Variants in TCF20 observed in about 807,000 individuals in gnomAD.
TCF20 encodes the protein SPRE-binding protein.
TCF20 carries 3 observed loss-of-function variants against 148.6 expected under a neutral mutation model. The observed-to-expected ratio is 0.02, with a 90% CI of 0.01 to 0.05. The LOEUF (loss-of-function observed/expected upper bound fraction) is 0.05. Ranked by LOEUF, TCF20 falls within the 10% of genes least tolerant of loss-of-function variation. The pLI, the probability that TCF20 is intolerant of heterozygous loss-of-function variation, is 1.00. For synonymous variants in TCF20, 1,049 were observed against 909.5 expected (o/e 1.15, Z -2.76); for missense variants, 2,350 against 2,429.3 (o/e 0.97, Z 0.69).
At chr22:42,261,277 T>G (rs1198646342) in intron 1 of TCF20, among the ~76,000 whole-genome samples, 1 of 152,232 alleles carries the variant, frequency 6.6e-6, no homozygotes, top group African/African-American at 2.4e-5. Context: ...TTGGTTATTA[T>G]TTGGCTATTA....
At chr22:42,301,998 G>T (rs1927345014) in intron 1 of TCF20, among the ~76,000 whole-genome samples, 1 of 152,210 alleles carries the variant, frequency 6.6e-6, no homozygotes, top group Non-Finnish European at 1.5e-5. Context: ...CAGAGGAAAG[G>T]CCTCTTGGAG....
At position 42,300,621 on chromosome 22, in the gene TCF20, C is replaced by T. The variant is rs141808888; in HGVS notation, c.-37+42858G>A. Reference sequence around the variant, plus strand: ...GGACTCCCATGCCTGAAGCCTCCTGCGGTCAGCAGCCCAAGGGGCAGGGCT... The same window carrying T: ...GGACTCCCATGCCTGAAGCCTCCTGTGGTCAGCAGCCCAAGGGGCAGGGCT... On this transcript the variant is annotated intron_variant, in intron 1 of 1. Coordinates refer to the TCF20 transcript ENST00000515426. Among the ~76,000 whole-genome samples the T allele has an allele frequency of 1.1e-4, 17 of 152,210 alleles. No homozygotes were observed. In the South Asian group the frequency reaches 1.5e-3, roughly 13 times the overall value.
intron 1 of TCF20, among the ~76,000 whole-genome samples, chr22:42,322,893 GT>G (rs59623451): frequency 2.0e-5 from 3 of 147,420 alleles, no homozygotes; most frequent in African/African-American, 5.0e-5. Flanking sequence ...TCATTTTCTG[GT>G]TTTTTTTTTG....
intron 2 of TCF20, among the ~76,000 whole-genome samples, chr22:42,199,706 CAAAAAAAAAAAAAA>C (rs59845847): frequency 2.4e-4 from 8 of 33,868 alleles, no homozygotes; most frequent in African/African-American, 4.0e-4. Context: ...CCCATCTCTA[CAAAAAAAAAAAAAA>C]AAAAAAAAAA....
At chr22:42,253,829 G>A (rs953134673) in intron 1 of TCF20, among the ~76,000 whole-genome samples, 2 of 152,130 alleles carry the variant, frequency 1.3e-5, no homozygotes, top group African/African-American at 4.8e-5. Context: ...TGTAATCCCA[G>A]CACTTTGGGA....
intron 1 of TCF20, among the ~76,000 whole-genome samples, chr22:42,235,116 T>C (rs1181013344): frequency 7.0e-6 from 1 of 142,316 alleles, no homozygotes; most frequent in Non-Finnish European, 1.5e-5. Flanking sequence ...CACTCCAGTC[T>C]GGCCAACAGA....
At chr22:42,334,623 C>G (rs1411155870) in intron 1 of TCF20, among the ~76,000 whole-genome samples, 6 of 152,272 alleles carry the variant, frequency 3.9e-5, no homozygotes, top group Non-Finnish European at 8.8e-5. Flanking sequence ...CCGAGAACAA[C>G]AGTGTGGCAG....
chr22:42,204,525 A>C (rs1033692762), intron 2 of TCF20, among the ~76,000 whole-genome samples: 5 of 151,680 alleles, frequency 3.3e-5, no homozygotes, highest in African/African-American at 1.2e-4. Flanking sequence ...CCCTAAATAT[A>C]ATCTTTAATA....
intron 2 of TCF20, among the ~76,000 whole-genome samples, chr22:42,205,355 C>T (rs1358749750): frequency 1.4e-5 from 2 of 146,646 alleles, no homozygotes; most frequent in African/African-American, 5.2e-5. Flanking sequence ...TTCTAGTTTT[C>T]GGCAATTTTC....
intron 1 of TCF20, among the ~76,000 whole-genome samples, chr22:42,316,107 CAAAAA>C (rs758537263): frequency 2.1e-5 from 1 of 48,590 alleles, no homozygotes; most frequent in South Asian, 8.3e-4. Context: ...GACTCTGTCT[CAAAAA>C]AAAAAAAAAA....
At chr22:42,341,479 G>A (rs945792314) in intron 1 of TCF20, among the ~76,000 whole-genome samples, 2 of 152,086 alleles carry the variant, frequency 1.3e-5, no homozygotes, top group African/African-American at 4.8e-5. Context: ...GAATCCAGGT[G>A]GGTAAGGACC....
intron 5 of TCF20, among the ~76,000 whole-genome samples, chr22:42,162,058 G>A (rs1935501173): frequency 7.6e-6 from 1 of 131,638 alleles, no homozygotes; most frequent in African/African-American, 2.9e-5. Context: ...TTGGCTCACT[G>A]CAGCCTCTGC....
chr22:42,302,539 T>C (rs1927355531), intron 1 of TCF20, among the ~76,000 whole-genome samples: 1 of 152,098 alleles, frequency 6.6e-6, no homozygotes, highest in Non-Finnish European at 1.5e-5. Context: ...AGAGGAGGCT[T>C]TGCCAAGGTC....
upstream of TCF20, among the ~76,000 whole-genome samples, chr22:42,284,383 G>A (rs149358129): frequency 6.4e-4 from 98 of 152,358 alleles, no homozygotes; most frequent in Non-Finnish European, 1.1e-3. Flanking sequence ...AAGTGTGACC[G>A]TTCATAGAGC....
rs75296967 is a variant in TCF20, at chr22:42,325,060, C to T, written c.-37+18419G>A. On this transcript the variant is annotated intron_variant, in intron 1 of 1. Coordinates refer to the TCF20 transcript ENST00000515426. ...CCCACCCTGCTGGGACTCAGGAAAC[C>T]GCATGGGCGGGTGGGAGGATGCTGA... is the stretch of plus-strand genomic sequence containing the variant. 4.5e-3 allele frequency among the ~76,000 whole-genome samples: 681 copies of T among 152,372 alleles called. 3 individuals carry two copies. Among genetic ancestry groups the T allele is most frequent in the Non-Finnish European group, 6.8e-3 (465 of 68,028 alleles).
chr22:42,257,589 A>G (rs2147366437), intron 1 of TCF20, among the ~76,000 whole-genome samples: 1 of 152,354 alleles, frequency 6.6e-6, no homozygotes, highest in Non-Finnish European at 1.5e-5. Flanking sequence ...GCAGGCAACA[A>G]TGCAGATGAT....
In TCF20 at chr22:42,210,591, T is replaced by C; in HGVS notation, c.4715A>G (p.Asp1572Gly). ...CTGTTTTTTTGGCTTTGGCTCTCCATCTGCAGAACCTTCTGGTATCTGTGG... is the reference window on the plus strand; with the variant it reads ...CTGTTTTTTTGGCTTTGGCTCTCCACCTGCAGAACCTTCTGGTATCTGTGG... ...QPPQIPEGSA[D>G]GEPKPKKQRQ... The change falls in exon 2 of 6, where the codon GAT becomes GGT. Residue 1572 changes from aspartate (D) to glycine (G), a missense_variant. Around this residue, in one of 7 missense-constraint regions of TCF20, gnomAD observed 374 missense variants for 398.3 expected, o/e 0.94. Coordinates refer to ENST00000677622, the MANE Select transcript of TCF20 (RefSeq NM_001378418.1). This position sits in a 1 kb window ranked among gnomAD's most constrained non-coding sequence, Gnocchi z 4.7. 2 of 1,614,172 alleles carry C rather than the reference T, an allele frequency of 1.2e-6. No individual in the cohort carries two copies. The highest frequency in any genetic ancestry group is 1.7e-6 in the Non-Finnish European group (2 of 1,180,042).
intron 1 of TCF20, among the ~76,000 whole-genome samples, chr22:42,308,917 G>C (rs1927482225): frequency 1.3e-5 from 2 of 152,172 alleles, no homozygotes; most frequent in Admixed American, 6.5e-5. Flanking sequence ...TGCCTTGCTA[G>C]ACCCAGGCGT....
At chr22:42,307,574 C>T (rs532007476) in intron 1 of TCF20, among the ~76,000 whole-genome samples, 1 of 152,260 alleles carries the variant, frequency 6.6e-6, no homozygotes, top group African/African-American at 2.4e-5. Context: ...TTCTGAAGCA[C>T]TAAACTTGAC....
Sources: gnomAD v4.1 joint callset for allele counts (sites outside exome capture counted in the v4.1 genomes callset) on GRCh38, gnomAD v4.1.1 for gene constraint, gnomAD v4.1.1 regional missense constraint, Gnocchi (gnomAD v3.1) non-coding constraint, MANE v1.5 for transcripts, NCBI Gene and HGNC (gene_info 2026-07-23, HGNC 2026-07-21) for gene names.